Variants in EFCAB11 observed in about 807,000 individuals in gnomAD.
EFCAB11 encodes EF-hand calcium-binding domain-containing protein 11.
In EFCAB11, 14 loss-of-function variants were observed where a neutral mutation model predicts 23.0. That is an observed-to-expected ratio of 0.61 (90% confidence interval 0.40 to 0.95). The LOEUF is 0.95. EFCAB11 is among the 40% of genes least tolerant of loss of function. The probability of loss-of-function intolerance (pLI) is 0.00; values close to 1 mark genes in which losing one functional copy is unlikely to be tolerated. For synonymous variants in EFCAB11, 65 were observed against 66.6 expected (o/e 0.98, Z 0.11); for missense variants, 198 against 195.8 (o/e 1.01, Z -0.07).
At chr14:89,876,820 C>T (rs191233677) in intron 5 of EFCAB11, among the ~76,000 whole-genome samples, 1 of 152,328 alleles carries the variant, frequency 6.6e-6, no homozygotes, top group Admixed American at 6.5e-5. Flanking sequence ...CAATGCCAGG[C>T]TCCTGGTAGA....
chr14:89,798,722 G>A (rs369948596), intron 5 of EFCAB11, among the ~76,000 whole-genome samples: 3 of 152,184 alleles, frequency 2.0e-5, no homozygotes, highest in Admixed American at 2.0e-4. Context: ...TTGAGATGCT[G>A]AATGCTTGTA....
rs575163384 is a variant in EFCAB11 at position 89,951,685 on chromosome 14, A to G, written c.172-1543T>C. 3.1e-4 allele frequency among the ~76,000 whole-genome samples: 47 copies of G among 152,024 alleles called. No individual in the cohort carries two copies. The South Asian group carries it at 8.3e-3, about 27-fold the overall frequency. On this transcript the variant is annotated intron_variant, in intron 2 of 5. Coordinates refer to ENST00000316738, the MANE Select transcript of EFCAB11 (RefSeq NM_145231.4). ...CACTTTGGGAGGCTGAGGTGGGCGG[A>G]TCACTTGAGGTCAGGAGTTGGAGAC...
intron 5 of EFCAB11, among the ~76,000 whole-genome samples, chr14:89,893,033 C>T (rs928153271): frequency 1.3e-5 from 2 of 152,170 alleles, no homozygotes; most frequent in Admixed American, 1.3e-4. Context: ...GTGGTGACCA[C>T]GAATGAGATA....
intron 3 of EFCAB11, among the ~76,000 whole-genome samples, chr14:89,935,460 G>A (rs1188941700): frequency 1.4e-5 from 2 of 148,000 alleles, no homozygotes. Flanking sequence ...GGAGTGCAAA[G>A]GCTAGTCACA....
Position 89,895,957 on chromosome 14 carries a change from G to A in EFCAB11, c.410+35584C>T, listed in dbSNP as rs977423231. Among the ~76,000 whole-genome samples the A allele has an allele frequency of 2.6e-5, 4 of 152,094 alleles. No homozygotes were observed. In the South Asian group the frequency reaches 8.3e-4, roughly 32 times the overall value. On this transcript the variant is annotated intron_variant, in intron 5 of 5. Transcript: ENST00000316738. ...AATAGAAGATGCAATCGAAAAATGG[G>A]TAAAAACCATGAACAGGTATGTCAC...
At chr14:89,830,226 T>C (rs1886838326) in intron 5 of EFCAB11, 1 of 152,188 alleles carries the variant, frequency 6.6e-6, no homozygotes, top group Admixed American at 6.5e-5. Flanking sequence ...ACTTTAAATA[T>C]TTATCCACAT....
At chr14:89,812,456 T>C (rs1886179669) in intron 5 of EFCAB11, among the ~76,000 whole-genome samples, 1 of 152,194 alleles carries the variant, frequency 6.6e-6, no homozygotes, top group Admixed American at 6.5e-5. Flanking sequence ...TTCACAAAAA[T>C]GATTTTACCA....
chr14:89,943,452 C>T (rs368877423), intron 3 of EFCAB11, among the ~76,000 whole-genome samples: 4 of 151,974 alleles, frequency 2.6e-5, no homozygotes, highest in Middle Eastern at 6.8e-3. Context: ...ATGTTGCTCT[C>T]GCTGGTCTCA....
intron 5 of EFCAB11, chr14:89,799,312 C>T (rs1018300363): frequency 6.6e-5 from 10 of 152,140 alleles, no homozygotes; most frequent in African/African-American, 2.4e-4. Flanking sequence ...TCGTCGTCAT[C>T]GCATATATAC....
At chr14:89,808,175 G>A (rs1886034253) in intron 5 of EFCAB11, among the ~76,000 whole-genome samples, 1 of 152,120 alleles carries the variant, frequency 6.6e-6, no homozygotes, top group South Asian at 2.1e-4. Flanking sequence ...CGGGAGTCCT[G>A]GCAATGAATG....
chr14:89,813,277 A>C (rs1447106297), intron 5 of EFCAB11, among the ~76,000 whole-genome samples: 1 of 152,200 alleles, frequency 6.6e-6, no homozygotes, highest in Non-Finnish European at 1.5e-5. Context: ...AAAATGATAA[A>C]ATAACTTCAT....
chr14:89,931,772 G>T, intron 4 of EFCAB11, 141 bp from the exon 5 acceptor site: 1 of 676,560 alleles, frequency 1.5e-6, no homozygotes, highest in Non-Finnish European at 2.5e-6. Flanking sequence ...CACAGATAAG[G>T]TAATCTGAGA....
chr14:89,932,816 T>C (rs529345818), intron 3 of EFCAB11, among the ~76,000 whole-genome samples, 189 bp from the exon 4 acceptor site: 1 of 152,296 alleles, frequency 6.6e-6, no homozygotes, highest in Admixed American at 6.5e-5. Flanking sequence ...AATGCTAACA[T>C]TTAACAGATC....
chr14:89,838,767 G>C (rs78335646), intron 5 of EFCAB11, among the ~76,000 whole-genome samples: 3,887 of 152,256 alleles, frequency 0.026, 85 homozygotes, highest in African/African-American at 0.054. Flanking sequence ...AAGCACATAA[G>C]GATGTCCACT....
At chr14:89,885,741 G>A (rs1318968016) in intron 5 of EFCAB11, among the ~76,000 whole-genome samples, 3 of 69,226 alleles carry the variant, frequency 4.3e-5, no homozygotes, top group Admixed American at 1.4e-4. Context: ...GAGAGAGAGA[G>A]AAAGAAAGGA....
At chr14:89,814,872 T>C (rs1017652156) in intron 5 of EFCAB11, among the ~76,000 whole-genome samples, 3 of 151,972 alleles carry the variant, frequency 2.0e-5, no homozygotes, top group Non-Finnish European at 4.4e-5. Context: ...ATTTTGAGGG[T>C]CTTTGCCAAA....
chr14:89,889,354 T>C (rs1888891732), intron 5 of EFCAB11, among the ~76,000 whole-genome samples: 1 of 152,236 alleles, frequency 6.6e-6, no homozygotes, highest in African/African-American at 2.4e-5. Flanking sequence ...TTATTAGCTG[T>C]GAAATATGAG....
chr14:89,837,372 C>T (rs532701473), intron 5 of EFCAB11, among the ~76,000 whole-genome samples: 7 of 152,054 alleles, frequency 4.6e-5, no homozygotes, highest in African/African-American at 1.4e-4. Context: ...CTGTAGCCTC[C>T]CTGCTTCCTT....
intron 5 of EFCAB11, among the ~76,000 whole-genome samples, chr14:89,890,272 A>G (rs1005416482): frequency 1.1e-4 from 16 of 152,216 alleles, no homozygotes; most frequent in Admixed American, 7.8e-4. Context: ...GTTTTAGGTT[A>G]TACGAAAATA....
Sources: allele counts gnomAD v4.1 joint callset (sites outside exome capture counted in the v4.1 genomes callset), GRCh38; gene constraint gnomAD v4.1.1; transcripts MANE v1.5; gene names NCBI Gene and HGNC (gene_info 2026-07-23, HGNC 2026-07-21).